Variants in SLC38A10 observed in about 807,000 individuals in gnomAD.
The protein encoded by SLC38A10 is solute carrier family 38 member 10.
Under a neutral mutation model 81.0 loss-of-function variants are expected in SLC38A10, and 53 were observed. The ratio of observed to expected loss-of-function variants is 0.65; its 90% CI spans 0.53 to 0.82. SLC38A10 has a LOEUF of 0.82. Ranked by LOEUF, SLC38A10 falls within the 40% of genes least tolerant of loss-of-function variation. The pLI is 0.00. For missense variants in SLC38A10, 1,471 were observed against 1,545.0 expected (o/e 0.95, Z 0.80); for synonymous variants, 665 against 655.3 (o/e 1.01, Z -0.23).
rs188475910 is a variant in SLC38A10, at chr17:81,288,577, G to A, written c.217+1114C>T. Among the ~76,000 whole-genome samples, 34 of 152,338 alleles carry A rather than the reference G, an allele frequency of 2.2e-4. No individual in the cohort carries two copies. Among genetic ancestry groups the A allele is most frequent in the Middle Eastern group, 3.4e-3 (1 of 294 alleles). On this transcript the variant is annotated intron_variant, in intron 2 of 15. Coordinates refer to ENST00000374759, the MANE Select transcript of SLC38A10 (RefSeq NM_001037984.3). This position sits in a 1 kb window ranked among gnomAD's most constrained non-coding sequence, Gnocchi z 5.4. ...AGCCTGTGGGCAGACGGGAAGGTGA[G>A]GGATGGCGCCCTCGAAGACAAACAA...
rs535691605 is a variant in SLC38A10 at position 81,246,177 on chromosome 17, G to A, written c.2739C>T (p.Leu913=). ...GTSILKEANW[L]VAGPGAETGD... is the part of the protein sequence containing the mutation. ...CCGTCTCTGCTCCTGGCCCTGCCAC[G>A]AGCCAGTTGGCTTCCTTCAGAATGC... Residue 913 remains leucine (L), a synonymous_variant, in exon 16 of 16, where the codon CTC becomes CTT. Coordinates refer to ENST00000374759, the MANE Select transcript of SLC38A10 (RefSeq NM_001037984.3). 5 of 1,612,396 alleles carry A rather than the reference G, an allele frequency of 3.1e-6. No homozygotes were observed. The South Asian group carries it at 5.5e-5, about 18-fold the overall frequency.
chr17:81,274,046 T>C (rs774096453), intron 8 of SLC38A10, among the ~76,000 whole-genome samples: 21 of 152,200 alleles, frequency 1.4e-4, no homozygotes, highest in East Asian at 7.7e-4. Flanking sequence ...TTTAACGCCA[T>C]TGTCAATTTT....
At chr17:81,252,755 G>A in intron 12 of SLC38A10, 72 bp from the exon 13 acceptor site, 1 of 1,512,686 alleles carries the variant, frequency 6.6e-7, no homozygotes, top group Non-Finnish European at 8.8e-7. Context: ...TTAGAACTGG[G>A]TTCTTCCCTG....
chr17:81,295,221 A>C lies in SLC38A10; in HGVS notation c.-300T>G. The C allele has an allele frequency of 5.5e-6, 1 of 183,198 alleles. No individual in the cohort carries two copies. The highest frequency in any genetic ancestry group is 1.1e-5 in the Non-Finnish European group (1 of 89,682). 11.3% of individuals were successfully genotyped at this position (183,198 alleles called of 1,614,324 possible). ...GCTCGGCCTCGCGGGCCGCCTGTGAATCTCCGAGCCCAGACCCGGAAGAGC... is the reference window on the plus strand; with the variant it reads ...GCTCGGCCTCGCGGGCCGCCTGTGACTCTCCGAGCCCAGACCCGGAAGAGC... On this transcript the variant is annotated 5_prime_UTR_variant, in exon 1 of 16. Coordinates refer to ENST00000374759, the MANE Select transcript of SLC38A10 (RefSeq NM_001037984.3).
chr17:81,255,981 C>CA (rs890009461), intron 11 of SLC38A10, among the ~76,000 whole-genome samples: 26 of 149,518 alleles, frequency 1.7e-4, no homozygotes, highest in Admixed American at 6.6e-4. Context: ...GACTCCATCT[C>CA]AAAAAAAAAA....
Position 81,284,844 on chromosome 17 carries a change from G to T in SLC38A10, c.263+6C>A, listed in dbSNP as rs2063248885. On this transcript the variant is annotated splice_donor_region_variant and intron_variant, in intron 3 of 15. Coordinates refer to ENST00000374759, the MANE Select transcript of SLC38A10 (RefSeq NM_001037984.3). ...GGGGCAAGCGCAGCGGCAGGGCGGG[G>T]CTTACCTGGTCTCCACCAGCATCTT... is the stretch of plus-strand genomic sequence containing the variant. 6.5e-7 allele frequency: 1 copy of T among 1,541,132 alleles called. No homozygotes were observed. Among genetic ancestry groups the T allele is most frequent in the South Asian group, 1.2e-5 (1 of 82,918 alleles).
At chr17:81,272,059 T>C (rs1489334092) in intron 9 of SLC38A10, among the ~76,000 whole-genome samples, 1 of 151,028 alleles carries the variant, frequency 6.6e-6, no homozygotes, top group African/African-American at 2.4e-5. Context: ...TGAGACGAAG[T>C]TTCTCTCTTG....
Position 81,252,540 on chromosome 17 carries a change from C to T in SLC38A10, c.1600G>A (p.Val534Ile). Residue 534 changes from valine (V) to isoleucine (I), a missense_variant, in exon 13 of 16, where the codon GTC becomes ATC. Coordinates refer to ENST00000374759, the MANE Select transcript of SLC38A10 (RefSeq NM_001037984.3). ...AGAGGCGGCGCCATCTGGCCCTGGA[C>T]CCCTGGAGCCTTTCCGCCCGCGTGT... ...SRHAGGKAPGVQGQMAPPLPD... is the reference protein window; with the variant it reads ...SRHAGGKAPGIQGQMAPPLPD... The T allele has an allele frequency of 5.0e-6, 8 of 1,613,386 alleles. No individual in the cohort carries two copies. The highest frequency in any genetic ancestry group is 6.8e-6 in the Non-Finnish European group (8 of 1,180,032).
intron 10 of SLC38A10, among the ~76,000 whole-genome samples, chr17:81,266,447 G>A (rs760976286): frequency 1.4e-4 from 21 of 151,872 alleles, no homozygotes; most frequent in Admixed American, 2.0e-4. Context: ...GTGAAACCCC[G>A]TCTCTACTAA....
Position 81,246,101 on chromosome 17 carries a change from C to CT in SLC38A10, c.2814dup (p.Ala939SerfsTer28). ...CCTTCCGCCCCACCGGGCAGGTCCG[C>CT]TGCAAGGCCCAGGTCTCGGCTCACT... is the stretch of plus-strand genomic sequence containing the variant. On this transcript the variant is annotated frameshift_variant, in exon 16 of 16. Transcript: ENST00000374759. LOFTEE classifies it low-confidence loss of function (END_TRUNC). 6.2e-7 allele frequency: 1 copy of CT among 1,608,634 alleles called. No homozygotes were observed. Among genetic ancestry groups the CT allele is most frequent in the Non-Finnish European group, 8.5e-7 (1 of 1,179,496 alleles).
Position 81,252,687 on chromosome 17 carries a change from C to A in SLC38A10, c.1457-4G>T. 1 of 1,594,136 alleles carries A rather than the reference C, an allele frequency of 6.3e-7. No individual in the cohort carries two copies. Among genetic ancestry groups the A allele is most frequent in the South Asian group, 1.1e-5 (1 of 89,474 alleles). The stretch of plus-strand genomic sequence containing the variant: ...TCGCCCACAGGCACAGCAATCCCTG[C>A]AAGGGCACGGGGGACAGATGGGGTC... On this transcript the variant is annotated splice_polypyrimidine_tract_variant and splice_region_variant and intron_variant, in intron 12 of 15. Transcript: ENST00000374759.
At position 81,247,063 on chromosome 17, in the gene SLC38A10, T is replaced by C. The variant is rs767141408; in HGVS notation, c.2066-2A>G. On this transcript the variant is annotated splice_acceptor_variant, in intron 14 of 15. Transcript: ENST00000374759. LOFTEE classifies it high-confidence loss of function. ...CCAGCATCTCCGCCCTGCCAGCTTC[T>C]GGGTTTGGAAAGCACACAGTCAGAG... The C allele has an allele frequency of 1.3e-6, 2 of 1,579,820 alleles. No homozygotes were observed. Among genetic ancestry groups the C allele is most frequent in the Admixed American group, 3.4e-5 (2 of 59,172 alleles).
chr17:81,285,006 G>T, intron 2 of SLC38A10, 111 bp from the exon 3 acceptor site: 1 of 871,500 alleles, frequency 1.1e-6, no homozygotes, highest in African/African-American at 1.7e-5. Context: ...CACGGGCCCA[G>T]ATTCTCCGGG....
intron 8 of SLC38A10, among the ~76,000 whole-genome samples, chr17:81,275,402 A>G (rs933884371): frequency 1.3e-5 from 2 of 151,918 alleles, no homozygotes; most frequent in African/African-American, 4.8e-5. Flanking sequence ...AATCTGCTAT[A>G]TTGTTAAAAT....
At chr17:81,273,366 C>T (rs1231215609) in intron 8 of SLC38A10, among the ~76,000 whole-genome samples, 1 of 152,026 alleles carries the variant, frequency 6.6e-6, no homozygotes. Context: ...CTTGCTCTGC[C>T]ACTCACCAGC....
At chr17:81,252,913 G>A (rs2062933075) in intron 12 of SLC38A10, among the ~76,000 whole-genome samples, 160 bp downstream of exon 12, 1 of 152,230 alleles carries the variant, frequency 6.6e-6, no homozygotes, top group Admixed American at 6.5e-5. Flanking sequence ...ACATTCATCT[G>A]AATTGAAAGA....
Position 81,253,037 on chromosome 17 carries a change from C to T in SLC38A10, c.1456+36G>A. On this transcript the variant is annotated intron_variant, in intron 12 of 15. Transcript: ENST00000374759. The surrounding 1 kb of genome is among the most constrained non-coding windows in gnomAD (Gnocchi z 4.1). ...CCTGCAAAGGAGGACCCGGGGCCGC[C>T]CTTCCCCATCCGCACCCCCAGCCAG... 4 of 1,602,868 alleles carry T rather than the reference C, an allele frequency of 2.5e-6. No homozygotes were observed. The highest frequency in any genetic ancestry group is 3.4e-6 in the Non-Finnish European group (4 of 1,175,556).
chr17:81,259,485 G>A (rs577440583), intron 11 of SLC38A10, among the ~76,000 whole-genome samples: 13 of 152,356 alleles, frequency 8.5e-5, no homozygotes, highest in Non-Finnish European at 1.6e-4. Flanking sequence ...GCCACTCAGA[G>A]CTCGTGGGAG....
intron 14 of SLC38A10, chr17:81,249,962 C>A: frequency 9.7e-7 from 1 of 1,034,998 alleles, no homozygotes; most frequent in Non-Finnish European, 1.3e-6. Context: ...TGACACGTGT[C>A]CCCATGCAGG....
Sources: allele counts gnomAD v4.1 joint callset (sites outside exome capture counted in the v4.1 genomes callset), GRCh38; gene constraint gnomAD v4.1.1; non-coding constraint Gnocchi (gnomAD v3.1); transcripts MANE v1.5; gene names NCBI Gene and HGNC (gene_info 2026-07-23, HGNC 2026-07-21).